CDH12: variants seen among roughly 807,000 people sequenced by gnomAD.
The protein encoded by CDH12 is cadherin 12.
CDH12 carries 41 observed loss-of-function variants against 74.1 expected under a neutral mutation model. The observed-to-expected ratio is 0.55, with a 90% CI of 0.43 to 0.72. The LOEUF (loss-of-function observed/expected upper bound fraction) is 0.72, where lower values mean the gene tolerates loss of function less well. CDH12 is among the 30% of genes least tolerant of loss of function. The pLI is 0.00. For missense variants in CDH12, 945 were observed against 977.2 expected (o/e 0.97, Z 0.44); for synonymous variants, 399 against 355.0 (o/e 1.12, Z -1.39).
chr5:22,216,060 T>C (rs530514497), intron 3 of CDH12, among the ~76,000 whole-genome samples: 13 of 152,236 alleles, frequency 8.5e-5, no homozygotes, highest in African/African-American at 2.9e-4. Flanking sequence ...TGGTGTTTGA[T>C]AGTGGAAAAC....
chr5:22,506,933 T>C (rs1369085867), intron 1 of CDH12, among the ~76,000 whole-genome samples: 2 of 152,150 alleles, frequency 1.3e-5, no homozygotes, highest in African/African-American at 4.8e-5. Flanking sequence ...ATAGAGTATA[T>C]ATTAAAACCA....
At chr5:21,882,698 G>A (rs1431732595) in intron 6 of CDH12, 6 of 1,533,384 alleles carry the variant, frequency 3.9e-6, no homozygotes, top group Non-Finnish European at 5.2e-6. Context: ...AGATGCCCGA[G>A]CCTTAATGCT....
At chr5:22,245,158 C>G (rs1752903522) in intron 3 of CDH12, among the ~76,000 whole-genome samples, 1 of 152,060 alleles carries the variant, frequency 6.6e-6, no homozygotes, top group African/African-American at 2.4e-5. Flanking sequence ...TTTTAGAGAG[C>G]TAAAAAGCCA....
At chr5:21,856,608 A>G (rs1750768233) in intron 6 of CDH12, among the ~76,000 whole-genome samples, 1 of 151,822 alleles carries the variant, frequency 6.6e-6, no homozygotes, top group African/African-American at 2.4e-5. Flanking sequence ...CTTTACTTTC[A>G]CATTTTTGTT....
intron 3 of CDH12, among the ~76,000 whole-genome samples, chr5:22,382,805 A>T (rs891100432): frequency 6.8e-6 from 1 of 147,008 alleles, no homozygotes; most frequent in Non-Finnish European, 1.5e-5. Context: ...ACCTTGGACT[A>T]AATTTCATGT....
chr5:22,001,520 GT>G (rs1736600480), intron 5 of CDH12, among the ~76,000 whole-genome samples: 1 of 151,816 alleles, frequency 6.6e-6, no homozygotes, highest in African/African-American at 2.4e-5. Flanking sequence ...TAACTTTTAG[GT>G]TCAGGAGTAC....
chr5:22,082,791 A>G (rs1430432195), intron 4 of CDH12, among the ~76,000 whole-genome samples: 1 of 152,140 alleles, frequency 6.6e-6, no homozygotes, highest in African/African-American at 2.4e-5. Context: ...GCAACGTAGA[A>G]CATGATGCCC....
chr5:22,211,569 A>T (rs1290800855), intron 4 of CDH12, among the ~76,000 whole-genome samples: 1 of 152,020 alleles, frequency 6.6e-6, no homozygotes, highest in Non-Finnish European at 1.5e-5. Context: ...GAAAAAGTTC[A>T]GGTAATTAAA....
At chr5:22,009,348 T>C (rs1200502307) in intron 5 of CDH12, among the ~76,000 whole-genome samples, 1 of 152,172 alleles carries the variant, frequency 6.6e-6, no homozygotes, top group Non-Finnish European at 1.5e-5. Flanking sequence ...CCCTATTATA[T>C]GAGGGCCTTC....
chr5:22,061,402 C>T (rs569709127), intron 5 of CDH12, among the ~76,000 whole-genome samples: 9 of 152,152 alleles, frequency 5.9e-5, no homozygotes, highest in South Asian at 2.1e-4. Context: ...ATATGAGCTA[C>T]GTTTAAATTT....
chr5:22,360,685 A>G (rs926183151), intron 3 of CDH12, among the ~76,000 whole-genome samples: 8 of 152,156 alleles, frequency 5.3e-5, no homozygotes, highest in Non-Finnish European at 1.0e-4. Flanking sequence ...TCCTCAATAA[A>G]ATACTGGCAA....
At chr5:22,313,781 A>G (rs924355914) in intron 3 of CDH12, among the ~76,000 whole-genome samples, 2 of 152,208 alleles carry the variant, frequency 1.3e-5, no homozygotes, top group Non-Finnish European at 2.9e-5. Flanking sequence ...AGTTATGAGT[A>G]TGCAAAGGCA....
At chr5:22,850,941 A>G (rs541244834) in intron 1 of CDH12, among the ~76,000 whole-genome samples, 1 of 152,270 alleles carries the variant, frequency 6.6e-6, no homozygotes, top group South Asian at 2.1e-4. Flanking sequence ...TCTCATAATG[A>G]TAAAGGATTG....
At chr5:22,355,874 C>A (rs894343704) in intron 3 of CDH12, among the ~76,000 whole-genome samples, 2 of 152,072 alleles carry the variant, frequency 1.3e-5, no homozygotes, top group African/African-American at 4.8e-5. Context: ...TATGACTAAA[C>A]AATAGGGGTT....
At chr5:22,505,832 T>C (rs1286345552) in intron 1 of CDH12, among the ~76,000 whole-genome samples, 1 of 152,120 alleles carries the variant, frequency 6.6e-6, no homozygotes, top group Non-Finnish European at 1.5e-5. Flanking sequence ...CAGTTGCAAT[T>C]TGGCTGATGT....
chr5:22,579,839 A>G (rs897423927), intron 1 of CDH12, among the ~76,000 whole-genome samples: 6 of 152,140 alleles, frequency 3.9e-5, no homozygotes, highest in Non-Finnish European at 8.8e-5. Context: ...AAACTGTCAC[A>G]TTAAAAATCC....
intron 1 of CDH12, among the ~76,000 whole-genome samples, chr5:22,616,355 T>C (rs984656461): frequency 2.0e-5 from 3 of 152,104 alleles, no homozygotes; most frequent in Non-Finnish European, 4.4e-5. Context: ...TGCTAAAATA[T>C]AACTGTAAAA....
chr5:22,709,147 G>C (rs1289761438), intron 1 of CDH12, among the ~76,000 whole-genome samples: 1 of 151,894 alleles, frequency 6.6e-6, no homozygotes, highest in African/African-American at 2.4e-5. Context: ...GACGGGAAGA[G>C]AGAGAGTGGC....
rs879920803 is a variant in CDH12, at chr5:22,244,776, GAA to G, written c.-332-32135_-332-32134del. ...AGAAAGAAAGAAAGAAAGAAAGAAA[GAA>G]AGAAAGAAAGAAAGAAAGAAAGAAA... On this transcript the variant is annotated intron_variant, in intron 3 of 14. Coordinates refer to ENST00000382254, the MANE Select transcript of CDH12 (RefSeq NM_004061.5). 9.0e-3 allele frequency among the ~76,000 whole-genome samples: 1,112 copies of G among 123,880 alleles called. 27 individuals carry two copies. Among genetic ancestry groups the G allele is most frequent in the East Asian group, 0.08 (383 of 4,802 alleles). The allele number at this position is 123,880 out of a possible 152,430, so 81.3% of individuals were successfully genotyped here. A position where few individuals can be genotyped will look rare whatever the true frequency, so the allele number is the denominator to read the frequency against.
Sources: gnomAD v4.1 joint callset for allele counts (sites outside exome capture counted in the v4.1 genomes callset) on GRCh38, gnomAD v4.1.1 for gene constraint, MANE v1.5 for transcripts, NCBI Gene and HGNC (gene_info 2026-07-23, HGNC 2026-07-21) for gene names.